KRIT1: variants seen among roughly 807,000 people sequenced by gnomAD.
The protein encoded by KRIT1 is krev interaction trapped protein 1.
In KRIT1, 45 loss-of-function variants were observed where a neutral mutation model predicts 95.8. The observed-to-expected ratio is 0.47, with a 90% confidence interval of 0.37 to 0.60. The LOEUF is 0.60. Among genes scored for constraint, KRIT1 ranks in the 20% least tolerant of loss-of-function variants. The pLI is 0.00. For synonymous variants in KRIT1, 282 were observed against 278.8 expected (o/e 1.01, Z -0.11); for missense variants, 788 against 877.5 (o/e 0.90, Z 1.29).
At chr7:92,201,461 A>G (rs768372982) in intron 17 of KRIT1, 38 bp from the exon 18 acceptor site, 3 of 965,098 alleles carry the variant, frequency 3.1e-6, no homozygotes, top group Non-Finnish European at 1.7e-6. Context: ...TGAAATACAT[A>G]TTAAAAACTT....
At chr7:92,213,070 T>A in intron 17 of KRIT1, 125 bp downstream of exon 17, 1 of 667,050 alleles carries the variant, frequency 1.5e-6, no homozygotes, top group Non-Finnish European at 2.7e-6. Flanking sequence ...CCCTTCCTCT[T>A]ATGTAATGAA....
intron 14 of KRIT1, among the ~76,000 whole-genome samples, chr7:92,220,995 C>A (rs1795027118): frequency 6.6e-6 from 1 of 151,868 alleles, no homozygotes; most frequent in Non-Finnish European, 1.5e-5. Context: ...GTCCATTCAT[C>A]CTTCTTATGG....
chr7:92,229,248 T>C (rs999176616), intron 10 of KRIT1, among the ~76,000 whole-genome samples: 19 of 152,220 alleles, frequency 1.2e-4, no homozygotes, highest in African/African-American at 4.6e-4. Flanking sequence ...CTTGCCAGTA[T>C]CTGTTATTTT....
chr7:92,207,116 G>A (rs1006714121), intron 17 of KRIT1, among the ~76,000 whole-genome samples: 9 of 152,094 alleles, frequency 5.9e-5, no homozygotes, highest in Admixed American at 5.9e-4. Flanking sequence ...AACTCCCTAA[G>A]TCTTGTAAGA....
chr7:92,222,733 T>G, intron 13 of KRIT1, 89 bp downstream of exon 13: 1 of 790,128 alleles, frequency 1.3e-6, no homozygotes, highest in Non-Finnish European at 2.2e-6. Context: ...AATTTAAGAG[T>G]CAAGAATAAA....
intron 14 of KRIT1, among the ~76,000 whole-genome samples, chr7:92,220,811 G>T (rs1584864127): frequency 6.8e-6 from 1 of 146,248 alleles, no homozygotes; most frequent in African/African-American, 2.5e-5. Context: ...TCTCTGCCTT[G>T]GCCTCCCAAG....
intron 16 of KRIT1, 121 bp downstream of exon 16, chr7:92,213,771 G>A (rs1181439571): frequency 4.3e-6 from 3 of 701,352 alleles, no homozygotes; most frequent in African/African-American, 3.6e-5. Flanking sequence ...TTGTGAACTA[G>A]AAGATACATT....
chr7:92,214,619 A>G lies in KRIT1; in HGVS notation c.1722T>C (p.Gly574=). 1 of 1,610,508 alleles carries G rather than the reference A, an allele frequency of 6.2e-7. No homozygotes were observed. Among genetic ancestry groups the G allele is most frequent in the Admixed American group, 1.7e-5 (1 of 60,002 alleles). The change falls in exon 15 of 19, where the codon GGT becomes GGC. Residue 574 remains glycine, a synonymous_variant. Coordinates refer to ENST00000394505, the MANE Select transcript of KRIT1 (RefSeq NM_194454.3). ...TAATATTAAATACTTACTTTAGGAA[A>G]CCTTGCTTGTGTTTTTTACTCTCAT... ...GNYESKKHKQ[G]FLNEENLKSI... is the part of the protein sequence containing the mutation.
intron 6 of KRIT1, 73 bp downstream of exon 6, chr7:92,237,594 C>CTT (rs1216107681): frequency 3.8e-6 from 3 of 797,854 alleles, no homozygotes; most frequent in African/African-American, 1.7e-5. Flanking sequence ...AATGCAAATT[C>CTT]TTAACTTCCT....
intron 3 of KRIT1, 115 bp from the exon 4 acceptor site, chr7:92,242,252 G>A (rs1799836124): frequency 1.2e-5 from 8 of 692,976 alleles, no homozygotes; most frequent in East Asian, 7.9e-5. Context: ...TAATCATGTC[G>A]AAAAAATTAA....
At chr7:92,216,076 A>T (rs1324173053) in intron 14 of KRIT1, among the ~76,000 whole-genome samples, 1 of 151,818 alleles carries the variant, frequency 6.6e-6, no homozygotes, top group Non-Finnish European at 1.5e-5. Flanking sequence ...AAAAATACAA[A>T]AAATTAGCTA....
At chr7:92,212,116 A>G (rs1792988738) in intron 17 of KRIT1, among the ~76,000 whole-genome samples, 1 of 152,122 alleles carries the variant, frequency 6.6e-6, no homozygotes, top group South Asian at 2.1e-4. Context: ...AAAAATAAAT[A>G]CATAAATAAA....
chr7:92,219,248 C>T (rs1271676537), intron 14 of KRIT1, among the ~76,000 whole-genome samples: 3 of 152,148 alleles, frequency 2.0e-5, no homozygotes, highest in Non-Finnish European at 2.9e-5. Context: ...GTGATCCACC[C>T]GCCTCAGCCT....
At position 92,213,392 on chromosome 7, in the gene KRIT1, T is replaced by C; in HGVS notation, c.1828A>G (p.Thr610Ala). Reference protein sequence around the residue: ...RILHEYKNLSTSEGVSKEMHH... With the variant: ...RILHEYKNLSASEGVSKEMHH... ...ATTTCTTTACTGACACCTTCACTTG[T>C]ACTGAGATTCTAAAAACAAACAAGG... Residue 610 changes from threonine to alanine, a missense_variant, in exon 17 of 19, where the codon ACA becomes GCA. Around this residue, in one of 3 missense-constraint regions of KRIT1, gnomAD observed 493 missense variants for 582.3 expected, o/e 0.85. Transcript: ENST00000394505. The C allele has an allele frequency of 1.2e-6, 2 of 1,605,374 alleles. No individual in the cohort carries two copies. Among genetic ancestry groups the C allele is most frequent in the Non-Finnish European group, 1.7e-6 (2 of 1,172,348 alleles).
chr7:92,217,775 C>T (rs575526622), intron 14 of KRIT1, among the ~76,000 whole-genome samples: 2 of 152,276 alleles, frequency 1.3e-5, no homozygotes, highest in African/African-American at 4.8e-5. Flanking sequence ...AGGCATATAT[C>T]TAGGAGTGGA....
chr7:92,214,174 CTTCT>C (rs768367840), intron 15 of KRIT1, among the ~76,000 whole-genome samples, 195 bp from the exon 16 acceptor site: 2 of 152,068 alleles, frequency 1.3e-5, no homozygotes, highest in Non-Finnish European at 2.9e-5. Context: ...ATAAATGTTT[CTTCT>C]TTCAATAACC....
At chr7:92,213,814 CTG>C in intron 16 of KRIT1, 76 bp downstream of exon 16, 1 of 849,868 alleles carries the variant, frequency 1.2e-6, no homozygotes, top group Non-Finnish European at 2.0e-6. Flanking sequence ...TAATCTACCT[CTG>C]TTTAAAATAT....
At chr7:92,218,566 G>A (rs1318992326) in intron 14 of KRIT1, among the ~76,000 whole-genome samples, 1 of 151,830 alleles carries the variant, frequency 6.6e-6, no homozygotes, top group Non-Finnish European at 1.5e-5. Flanking sequence ...TTTTTATAGA[G>A]ATGAAGTCTC....
Position 92,222,844 on chromosome 7 carries a change from T to C in KRIT1, c.1389A>G (p.Ile463Met). ...TACTGAGGTTTTCTGAACAAATCCA[T>C]ATAGTGAAATATTGCTGAGTTTCTT... The part of the protein sequence containing the change: ...LSQETQQYFT[I>M]WICSENLSLQ... The change falls in exon 13 of 19, where the codon ATA becomes ATG. Residue 463 changes from isoleucine to methionine, a missense_variant. By Grantham distance (10) the Ile-to-Met change is conservative. This residue lies in a region of KRIT1 where 493 missense variants were observed against 582.3 expected (regional missense o/e 0.85). Coordinates refer to ENST00000394505, the MANE Select transcript of KRIT1 (RefSeq NM_194454.3). 3.7e-6 allele frequency: 6 copies of C among 1,606,686 alleles called. No individual in the cohort carries two copies. Among genetic ancestry groups the C allele is most frequent in the South Asian group, 2.2e-5 (2 of 90,930 alleles).
Sources: allele counts gnomAD v4.1 joint callset (sites outside exome capture counted in the v4.1 genomes callset), GRCh38; gene constraint gnomAD v4.1.1; regional missense constraint gnomAD v4.1.1; transcripts MANE v1.5; gene names NCBI Gene and HGNC (gene_info 2026-07-23, HGNC 2026-07-21).